Variants in UBP1 observed in about 807,000 individuals in gnomAD.
UBP1 encodes upstream binding protein 1.
UBP1 carries 22 observed loss-of-function variants against 76.1 expected under a neutral mutation model. The ratio of observed to expected loss-of-function variants is 0.29; its 90% confidence interval spans 0.21 to 0.41. The LOEUF (loss-of-function observed/expected upper bound fraction) is 0.41, where lower values mean the gene tolerates loss of function less well. Among genes scored for constraint, UBP1 ranks in the 10% least tolerant of loss-of-function variants. The probability of loss-of-function intolerance (pLI) is 1.00; values close to 1 mark genes in which losing one functional copy is unlikely to be tolerated. For missense variants in UBP1, 436 were observed against 668.1 expected (o/e 0.65, Z 3.83); for synonymous variants, 224 against 237.1 (o/e 0.94, Z 0.51).
intron 2 of UBP1, among the ~76,000 whole-genome samples, chr3:33,419,527 C>G (rs1030353057): frequency 6.6e-6 from 1 of 151,408 alleles, no homozygotes; most frequent in Non-Finnish European, 1.5e-5. Context: ...ACTCCAGAGG[C>G]TGAGGCAGGA....
At chr3:33,392,319 G>A (rs150941704) in intron 15 of UBP1, 7,477 of 409,386 alleles carry the variant, frequency 0.018, 106 homozygotes, top group Non-Finnish European at 0.025. Flanking sequence ...CTGACACAAA[G>A]TGCTCAGTAA....
At chr3:33,391,105 T>C (rs1327539986) in intron 15 of UBP1, 1 of 152,268 alleles carries the variant, frequency 6.6e-6, no homozygotes, top group Non-Finnish European at 1.5e-5. Flanking sequence ...GGTACTAGGC[T>C]AAAGATGTTT....
chr3:33,392,293 G>A (rs551121736), intron 15 of UBP1: 14 of 346,500 alleles, frequency 4.0e-5, no homozygotes, highest in South Asian at 2.2e-4. Flanking sequence ...TCCACTGAGC[G>A]ACAGAAGCAC....
rs1345625275 is a variant in UBP1 at position 33,389,066 on chromosome 3, G to C, written c.*1265C>G. The C allele has an allele frequency of 1.3e-5, 2 of 152,568 alleles. No homozygotes were observed. The highest frequency in any genetic ancestry group is 4.8e-5 in the African/African-American group (2 of 41,440). 9.5% of individuals were successfully genotyped at this position (152,568 alleles called of 1,614,324 possible). On this transcript the variant is annotated 3_prime_UTR_variant, in exon 16 of 16. Transcript: ENST00000283629. ...CAAACATGCTTGCTGATGGATTCTG[G>C]GAAGGTTTTGGATGAAGGACGGAGA...
At position 33,401,512 on chromosome 3, in the gene UBP1, A is replaced by G. The variant is rs1038553489; in HGVS notation, c.1032-496T>C. On this transcript the variant is annotated intron_variant, in intron 9 of 15. Transcript: ENST00000283629. The stretch of plus-strand genomic sequence containing the variant: ...TGAGGGTGAATTTCAAGAGAACAAA[A>G]GAAATTAACTTGTACCACTATCCTT... 3.9e-5 allele frequency among the ~76,000 whole-genome samples: 6 copies of G among 152,374 alleles called. No individual in the cohort carries two copies. In the South Asian group the frequency reaches 1.2e-3, roughly 32 times the overall value.
At position 33,409,318 on chromosome 3, in the gene UBP1, GTTTT is replaced by G; in HGVS notation, c.733_736del (p.Lys245LeufsTer29). The G allele has an allele frequency of 6.2e-7, 1 of 1,614,106 alleles. No individual in the cohort carries two copies. Among genetic ancestry groups the G allele is most frequent in the Non-Finnish European group, 8.5e-7 (1 of 1,180,002 alleles). On this transcript the variant is annotated frameshift_variant, in exon 7 of 16. Transcript: ENST00000283629. LOFTEE classifies it high-confidence loss of function. ...TCTCTTCTCCATCTTCTCTCGGTCAGTTTTTTGTTTCCTGTCTGCACCTTTAGGC... is the reference window on the plus strand; with the variant it reads ...TCTCTTCTCCATCTTCTCTCGGTCAGTTGTTTCCTGTCTGCACCTTTAGGC...
At chr3:33,406,339 G>A (rs1052744356) in intron 8 of UBP1, among the ~76,000 whole-genome samples, 3 of 152,140 alleles carry the variant, frequency 2.0e-5, no homozygotes, top group Non-Finnish European at 4.4e-5. Context: ...ATGAACCCAA[G>A]ACCCTGTGAG....
At chr3:33,402,758 A>G in intron 9 of UBP1, 43 bp downstream of exon 9, 3 of 1,372,212 alleles carry the variant, frequency 2.2e-6, no homozygotes, top group South Asian at 1.5e-5. Context: ...AAGGCACATG[A>G]GCATTAGTTA....
At chr3:33,415,752 A>G (rs1040175929) in intron 3 of UBP1, among the ~76,000 whole-genome samples, 1 of 151,726 alleles carries the variant, frequency 6.6e-6, no homozygotes, top group Non-Finnish European at 1.5e-5. Flanking sequence ...TGATACATTA[A>G]CAAAAAAAAA....
intron 1 of UBP1, among the ~76,000 whole-genome samples, chr3:33,436,547 A>G (rs2045208079): frequency 6.6e-6 from 1 of 152,250 alleles, no homozygotes; most frequent in South Asian, 2.1e-4. Flanking sequence ...ATAATTTAAT[A>G]TCAAAATTTT....
intron 2 of UBP1, among the ~76,000 whole-genome samples, chr3:33,418,119 C>T (rs551791232): frequency 6.6e-6 from 1 of 151,930 alleles, no homozygotes; most frequent in Non-Finnish European, 1.5e-5. Flanking sequence ...AAATAATTTT[C>T]AAAATGAAGA....
intron 2 of UBP1, 107 bp from the exon 3 acceptor site, chr3:33,416,941 TTTG>T (rs890311306): frequency 1.1e-6 from 1 of 941,964 alleles, no homozygotes; most frequent in Non-Finnish European, 1.6e-6. Context: ...ACAATGATAG[TTTG>T]TTAATTTGCT....
chr3:33,419,851 C>T (rs2044841162), intron 2 of UBP1, among the ~76,000 whole-genome samples: 1 of 152,128 alleles, frequency 6.6e-6, no homozygotes, highest in Admixed American at 6.5e-5. Flanking sequence ...AAGAAGGATC[C>T]AGTATTAATG....
At chr3:33,393,228 T>A in intron 14 of UBP1, 84 bp downstream of exon 14, 1 of 1,347,420 alleles carries the variant, frequency 7.4e-7, no homozygotes, top group Non-Finnish European at 9.9e-7. Context: ...TCAAAAGAGG[T>A]CACAGAATTT....
intron 1 of UBP1, among the ~76,000 whole-genome samples, chr3:33,431,255 T>G (rs1471591534): frequency 6.6e-6 from 1 of 151,752 alleles, no homozygotes; most frequent in Non-Finnish European, 1.5e-5. Context: ...GTGAGAAGAT[T>G]TTGCATTAAA....
At chr3:33,411,048 G>A (rs1437011562) in intron 5 of UBP1, among the ~76,000 whole-genome samples, 1 of 151,052 alleles carries the variant, frequency 6.6e-6, no homozygotes, top group Non-Finnish European at 1.5e-5. Flanking sequence ...ATTCCAGCCT[G>A]GGTGACAGAA....
chr3:33,409,189 A>G, intron 7 of UBP1, 47 bp downstream of exon 7: 1 of 1,572,988 alleles, frequency 6.4e-7, no homozygotes, highest in Non-Finnish European at 8.7e-7. Context: ...ATAGACTAAT[A>G]TGCAACCTTT....
intron 1 of UBP1, among the ~76,000 whole-genome samples, chr3:33,433,061 G>GT (rs888043645): frequency 1.3e-5 from 2 of 151,544 alleles, no homozygotes; most frequent in African/African-American, 2.4e-5. Flanking sequence ...AAAACTCAGA[G>GT]TTTTTTGTTT....
intron 2 of UBP1, among the ~76,000 whole-genome samples, chr3:33,420,716 C>T (rs2044868070): frequency 6.6e-6 from 1 of 152,000 alleles, no homozygotes; most frequent in Non-Finnish European, 1.5e-5. Context: ...CTCGATCTCT[C>T]GACCTCGTGA....
Sources: allele counts gnomAD v4.1 joint callset (sites outside exome capture counted in the v4.1 genomes callset), GRCh38; gene constraint gnomAD v4.1.1; transcripts MANE v1.5; gene names NCBI Gene and HGNC (gene_info 2026-07-23, HGNC 2026-07-21).